The following TTC39A variants were observed in gnomAD, a reference collection of about 807,000 sequenced individuals.
TTC39A encodes the protein tetratricopeptide repeat domain 39A, also known as tetratricopeptide repeat protein 39A.
Under a neutral mutation model 82.3 loss-of-function variants are expected in TTC39A, and 46 were observed. That is an observed-to-expected ratio of 0.56 (90% CI 0.44 to 0.71). TTC39A has a LOEUF of 0.71. Among genes scored for constraint, TTC39A ranks in the 30% least tolerant of loss-of-function variants. TTC39A has a pLI of 0.00. For synonymous variants in TTC39A, 254 were observed against 275.2 expected, an observed-to-expected ratio of 0.92 and a Z score of 0.76; for missense variants, 543 against 712.9, an observed-to-expected ratio of 0.76 and a Z score of 2.71.
chr1:51,292,879 A>G (rs1285844080), intron 14 of TTC39A, among the ~76,000 whole-genome samples: 1 of 152,242 alleles, frequency 6.6e-6, no homozygotes, highest in Non-Finnish European at 1.5e-5. Flanking sequence ...AAGAAAGCCT[A>G]TAGTATATAA....
At position 51,294,948 on chromosome 1, in the gene TTC39A, G is replaced by A. The variant is rs1326786186; in HGVS notation, c.1146-437C>T. On this transcript the variant is annotated intron_variant, in intron 13 of 17. Coordinates refer to ENST00000680483, the MANE Select transcript of TTC39A (RefSeq NM_001297663.2). This position sits in a 1 kb window ranked among gnomAD's most constrained non-coding sequence, Gnocchi z 4.3. ...CAAACCCTTAATTAACTCTTGCCTC[G>A]CGAGTTCTGGCCTTCTCAGCTGTTT... Among the ~76,000 whole-genome samples the A allele has an allele frequency of 6.6e-6, 1 of 152,206 alleles. No homozygotes were observed. The highest frequency in any genetic ancestry group is 1.5e-5 in the Non-Finnish European group (1 of 68,046).
In TTC39A at chr1:51,321,654, T is replaced by C. The variant is rs961732905; in HGVS notation, c.146+67A>G. 2 of 1,470,986 alleles carry C rather than the reference T, an allele frequency of 1.4e-6. No homozygotes were observed. The highest frequency in any genetic ancestry group is 1.9e-6 in the Non-Finnish European group (2 of 1,064,510). The allele number at this position is 1,470,986 out of a possible 1,614,324, so 91.1% of individuals were successfully genotyped here. ...ATTTAGTTACACAGGGTTCCTCTCA[T>C]ACAAGACCTCTGGTTCTCCCTGACC... On this transcript the variant is annotated intron_variant, in intron 2 of 17. Transcript: ENST00000680483. The surrounding 1 kb of genome is among the most constrained non-coding windows in gnomAD (Gnocchi z 4.6).
rs771332829 is a variant in TTC39A, at chr1:51,295,945, C to T, written c.1145+134G>A. ...GGGAGGACACGCAGGGGGGGCAGTC[C>T]GCGGGTGGGGGCAGGGAGCCACCCT... On this transcript the variant is annotated intron_variant, in intron 13 of 17. Transcript: ENST00000680483. 38 of 903,054 alleles carry T rather than the reference C, an allele frequency of 4.2e-5. No homozygotes were observed. The Middle Eastern group carries it at 8.1e-4, about 19-fold the overall frequency. 55.9% of individuals were successfully genotyped at this position (903,054 alleles called of 1,614,324 possible).
At position 51,305,063 on chromosome 1, in the gene TTC39A, T is replaced by C. The variant is rs1439537546; in HGVS notation, c.654+18A>G. 6.2e-7 allele frequency: 1 copy of C among 1,612,724 alleles called. No homozygotes were observed. The highest frequency in any genetic ancestry group is 8.5e-7 in the Non-Finnish European group (1 of 1,179,162). The stretch of plus-strand genomic sequence containing the variant: ...CTGGGGCTGAGCAGGTCAGGGGTGC[T>C]AGGAGGCAGGTGGTTACCTTGTTTC... On this transcript the variant is annotated intron_variant, in intron 8 of 17. Coordinates refer to ENST00000680483, the MANE Select transcript of TTC39A (RefSeq NM_001297663.2).
chr1:51,305,255 G>T, intron 7 of TTC39A, 109 bp from the exon 8 acceptor site: 1 of 1,060,010 alleles, frequency 9.4e-7, no homozygotes. Flanking sequence ...AGGGGAGAGG[G>T]CCACCCCTCT....
At position 51,294,170 on chromosome 1, in the gene TTC39A, C is replaced by T. The variant is rs544278680; in HGVS notation, c.1266+221G>A. On this transcript the variant is annotated intron_variant, in intron 14 of 17. Coordinates refer to ENST00000680483, the MANE Select transcript of TTC39A (RefSeq NM_001297663.2). The surrounding 1 kb of genome is among the most constrained non-coding windows in gnomAD (Gnocchi z 4.3). The stretch of plus-strand genomic sequence containing the variant: ...CTGTCCAGGAGGGTGTCCCTCTCTG[C>T]CTTTTATCTGCAGCCTGCCTGTCTC... Among the ~76,000 whole-genome samples, 1 of 152,266 alleles carries T rather than the reference C, an allele frequency of 6.6e-6. No individual in the cohort carries two copies. Among genetic ancestry groups the T allele is most frequent in the Admixed American group, 6.5e-5 (1 of 15,300 alleles).
At chr1:51,312,416 C>T (rs1024793883) in intron 3 of TTC39A, among the ~76,000 whole-genome samples, 7 of 152,204 alleles carry the variant, frequency 4.6e-5, no homozygotes, top group Non-Finnish European at 8.8e-5. Flanking sequence ...ACAGTTACCA[C>T]CTGATCAGTC....
chr1:51,295,767 C>A, intron 13 of TTC39A: 1 of 435,630 alleles, frequency 2.3e-6, no homozygotes, highest in Non-Finnish European at 4.3e-6. Flanking sequence ...ACCTTCCCTC[C>A]CTGGACCTTG....
chr1:51,330,227 C>A lies in TTC39A; in HGVS notation c.41+210G>T, dbSNP rs1645854312. On this transcript the variant is annotated intron_variant, in intron 1 of 17. Transcript: ENST00000680483. The surrounding 1 kb of genome is among the most constrained non-coding windows in gnomAD (Gnocchi z 4.5). ...GGGACCCAGAAGGTGAGTGACCGAC[C>A]CGGGGTCCCCGCGCCTCCGCCTCCT... 2.0e-6 allele frequency: 2 copies of A among 985,006 alleles called. No homozygotes were observed. Among genetic ancestry groups the A allele is most frequent in the Non-Finnish European group, 2.4e-6 (2 of 829,636 alleles). 61.0% of individuals were successfully genotyped at this position (985,006 alleles called of 1,614,324 possible).
At chr1:51,318,261 G>C (rs1434662934) in intron 2 of TTC39A, among the ~76,000 whole-genome samples, 3 of 152,164 alleles carry the variant, frequency 2.0e-5, no homozygotes, top group Non-Finnish European at 4.4e-5. Flanking sequence ...TGGGGTCCAG[G>C]CTCGAGTGAG....
chr1:51,307,969 A>G (rs905740038), intron 6 of TTC39A, among the ~76,000 whole-genome samples: 1 of 152,062 alleles, frequency 6.6e-6, no homozygotes, highest in African/African-American at 2.4e-5. Flanking sequence ...CTACAGCTTC[A>G]TATCTATCCT....
intron 1 of TTC39A, among the ~76,000 whole-genome samples, chr1:51,322,724 T>C (rs1158027648): frequency 1.3e-5 from 2 of 152,182 alleles, no homozygotes; most frequent in Non-Finnish European, 2.9e-5. Context: ...CTATTTGATG[T>C]TTTGATAATG....
chr1:51,340,244 C>A (rs1298903107), intron 1 of TTC39A, among the ~76,000 whole-genome samples: 2 of 152,150 alleles, frequency 1.3e-5, no homozygotes, highest in Admixed American at 6.5e-5. Context: ...CCTCAGCGAC[C>A]ATTCCCCCAC....
At chr1:51,323,500 C>T (rs1478035901) in intron 1 of TTC39A, among the ~76,000 whole-genome samples, 1 of 152,124 alleles carries the variant, frequency 6.6e-6, no homozygotes, top group Non-Finnish European at 1.5e-5. Flanking sequence ...GGAACACTCT[C>T]CATTCCACTC....
upstream of TTC39A, among the ~76,000 whole-genome samples, chr1:51,332,219 G>A (rs187538799): frequency 5.2e-3 from 789 of 152,286 alleles, 5 homozygotes; most frequent in African/African-American, 0.018. Flanking sequence ...TTGAAAATCC[G>A]AAATCCAGAA....
chr1:51,289,683 C>T (rs1401003684), intron 16 of TTC39A, among the ~76,000 whole-genome samples: 1 of 152,224 alleles, frequency 6.6e-6, no homozygotes, highest in Non-Finnish European at 1.5e-5. Context: ...GGGTTGCCTA[C>T]AGCTTGCCAT....
intron 11 of TTC39A, 68 bp downstream of exon 11, chr1:51,302,289 C>G: frequency 8.9e-7 from 1 of 1,129,526 alleles, no homozygotes; most frequent in Non-Finnish European, 1.2e-6. Context: ...GTCACATGTG[C>G]CTGACTTCCT....
rs1409015066 is a variant in TTC39A, at chr1:51,288,062, A to AGGCAG, written c.*90_*94dup. On this transcript the variant is annotated 3_prime_UTR_variant, in exon 18 of 18. Transcript: ENST00000680483. This position sits in a 1 kb window ranked among gnomAD's most constrained non-coding sequence, Gnocchi z 4.8. Reference sequence around the variant, plus strand: ...CAACTGGAGTGCCGGTGGACCCCAAAGGCAGGGCAGGGCAGGGGGAGGGGG... The same window carrying AGGCAG: ...CAACTGGAGTGCCGGTGGACCCCAAAGGCAGGGCAGGGCAGGGCAGGGGGAGGGGG... The AGGCAG allele has an allele frequency of 1.0e-5, 16 of 1,525,690 alleles. No individual in the cohort carries two copies. Among genetic ancestry groups the AGGCAG allele is most frequent in the South Asian group, 3.7e-5 (3 of 80,192 alleles). The allele number at this position is 1,525,690 out of a possible 1,614,324, so 94.5% of individuals were successfully genotyped here. A position where few individuals can be genotyped will look rare whatever the true frequency, so the allele number is the denominator to read the frequency against.
chr1:51,332,672 A>T (rs1645928237), upstream of TTC39A, among the ~76,000 whole-genome samples: 2 of 152,216 alleles, frequency 1.3e-5, no homozygotes, highest in Admixed American at 1.3e-4. Context: ...CTGCTGAGTT[A>T]CCCTGAACAC....
Sources: allele counts gnomAD v4.1 joint callset (sites outside exome capture counted in the v4.1 genomes callset), GRCh38; gene constraint gnomAD v4.1.1; non-coding constraint Gnocchi (gnomAD v3.1); transcripts MANE v1.5; gene names NCBI Gene and HGNC (gene_info 2026-07-23, HGNC 2026-07-21).